DYM: variants seen among roughly 807,000 people sequenced by gnomAD.
The protein encoded by DYM is dyggve-Melchior-Clausen syndrome protein.
Under a neutral mutation model 93.1 loss-of-function variants are expected in DYM, and 78 were observed. The observed-to-expected ratio is 0.84, with a 90% confidence interval of 0.70 to 1.01. The LOEUF is 1.01. Among genes scored for constraint, DYM ranks in the 50% least tolerant of loss-of-function variants. The pLI is 0.00. For synonymous variants in DYM, 321 were observed against 319.7 expected (o/e 1.00, Z -0.04); for missense variants, 789 against 845.0 (o/e 0.93, Z 0.82).
chr18:49,356,154 G>GA (rs1032229996), intron 6 of DYM, among the ~76,000 whole-genome samples: 2 of 151,940 alleles, frequency 1.3e-5, no homozygotes, highest in African/African-American at 4.8e-5. Context: ...AAATTAAAAA[G>GA]AAAAAAATCA....
intron 8 of DYM, among the ~76,000 whole-genome samples, chr18:49,300,600 C>A (rs1165412079): frequency 6.7e-6 from 1 of 150,320 alleles, no homozygotes; most frequent in Admixed American, 6.6e-5. Flanking sequence ...GACTCAGTCT[C>A]CAAAAAAAAA....
At chr18:49,433,564 G>A (rs1311105666) in intron 1 of DYM, among the ~76,000 whole-genome samples, 1 of 152,108 alleles carries the variant, frequency 6.6e-6, no homozygotes, top group Non-Finnish European at 1.5e-5. Flanking sequence ...TCAAAAAACA[G>A]TAAAAATTTA....
At chr18:49,275,325 A>AT (rs2094824080) in intron 10 of DYM, among the ~76,000 whole-genome samples, 1 of 152,178 alleles carries the variant, frequency 6.6e-6, no homozygotes, top group Non-Finnish European at 1.5e-5. Context: ...CCATTGATGT[A>AT]TTATGTCTAT....
chr18:49,264,417 C>T (rs777790644), intron 11 of DYM, among the ~76,000 whole-genome samples: 11 of 152,000 alleles, frequency 7.2e-5, no homozygotes, highest in African/African-American at 9.7e-5. Flanking sequence ...TTTATACTCC[C>T]ACTACCAGCA....
intron 17 of DYM, among the ~76,000 whole-genome samples, chr18:49,059,314 G>C (rs867195247): frequency 2.0e-5 from 3 of 152,210 alleles, no homozygotes; most frequent in Admixed American, 1.3e-4. Flanking sequence ...ACAGTGAAAA[G>C]TAAGTTCTGT....
intron 14 of DYM, among the ~76,000 whole-genome samples, chr18:49,172,073 C>T (rs1280795389): frequency 6.6e-6 from 1 of 152,170 alleles, no homozygotes; most frequent in Non-Finnish European, 1.5e-5. Flanking sequence ...CACTGATCTG[C>T]TTCCTGTCAC....
At chr18:49,227,096 G>A (rs2093559390) in intron 13 of DYM, among the ~76,000 whole-genome samples, 1 of 152,094 alleles carries the variant, frequency 6.6e-6, no homozygotes, top group Admixed American at 6.6e-5. Context: ...GAAAAATTGA[G>A]TTCACAAATA....
At chr18:49,420,240 T>A (rs767590917) in intron 2 of DYM, among the ~76,000 whole-genome samples, 30 of 145,544 alleles carry the variant, frequency 2.1e-4, no homozygotes, top group Non-Finnish European at 4.2e-4. Context: ...CGATCTCAGC[T>A]CCCCACAAGC....
chr18:49,113,751 G>C (rs895640702), intron 16 of DYM, among the ~76,000 whole-genome samples: 1 of 152,164 alleles, frequency 6.6e-6, no homozygotes. Context: ...TACTGAAAAA[G>C]GCACACAGTA....
chr18:49,393,022 G>GGAC (rs2147915987), intron 2 of DYM, among the ~76,000 whole-genome samples: 1 of 83,862 alleles, frequency 1.2e-5, no homozygotes, highest in South Asian at 4.5e-4. Flanking sequence ...AAGAAGAAGA[G>GGAC]GAAGAAGGAG....
rs1298142988 is a variant in DYM, at chr18:49,364,444, C to CA, written c.422-1212dup. 1.2e-3 allele frequency among the ~76,000 whole-genome samples: 164 copies of CA among 138,546 alleles called. 1 individual carries two copies. The highest frequency in any genetic ancestry group is 2.5e-3 in the African/African-American group (95 of 37,452). 90.9% of individuals were successfully genotyped at this position (138,546 alleles called of 152,430 possible). A position where few individuals can be genotyped will look rare whatever the true frequency, so the allele number is the denominator to read the frequency against. On this transcript the variant is annotated intron_variant, in intron 5 of 17. Transcript: ENST00000675505. ...TGGGTGACAAAACAAGACTGTGTCT[C>CA]AAAAAAAAAAAAGAAAGAAAGAAAG...
intron 17 of DYM, among the ~76,000 whole-genome samples, chr18:49,046,490 CACAG>C (rs912522372): frequency 8.7e-5 from 13 of 150,216 alleles, no homozygotes; most frequent in Non-Finnish European, 1.0e-4. Flanking sequence ...CAGACACACA[CACAG>C]ACATACACAG....
chr18:49,223,915 A>G (rs2093444899), intron 13 of DYM, among the ~76,000 whole-genome samples: 1 of 152,136 alleles, frequency 6.6e-6, no homozygotes, highest in Admixed American at 6.6e-5. Flanking sequence ...TTATGCCTTC[A>G]TTCTAGGAAC....
intron 13 of DYM, among the ~76,000 whole-genome samples, chr18:49,248,435 T>C (rs560760056): frequency 6.6e-6 from 1 of 152,304 alleles, no homozygotes; most frequent in East Asian, 1.9e-4. Flanking sequence ...CATCATTAAC[T>C]CTTACACCAC....
At chr18:49,313,427 A>AAC (rs2146398767) in intron 8 of DYM, among the ~76,000 whole-genome samples, 1 of 135,404 alleles carries the variant, frequency 7.4e-6, no homozygotes, top group South Asian at 2.5e-4. Context: ...CGCACCACTG[A>AAC]ACTCCAGTCT....
chr18:49,318,145 C>T (rs1319071519), intron 8 of DYM, among the ~76,000 whole-genome samples: 1 of 152,208 alleles, frequency 6.6e-6, no homozygotes, highest in Non-Finnish European at 1.5e-5. Flanking sequence ...TCTCCTGGAG[C>T]CACCATTGCT....
At chr18:49,108,346 G>A (rs572669405) in intron 16 of DYM, among the ~76,000 whole-genome samples, 1 of 152,218 alleles carries the variant, frequency 6.6e-6, no homozygotes, top group Non-Finnish European at 1.5e-5. Context: ...CTGACCCCTT[G>A]TGCTTCCCGG....
chr18:49,445,366 G>A (rs193080415), intron 1 of DYM, among the ~76,000 whole-genome samples: 5 of 152,202 alleles, frequency 3.3e-5, no homozygotes, highest in East Asian at 1.9e-4. Flanking sequence ...GATAGGTACA[G>A]AAACCATTCT....
At chr18:49,344,144 G>C (rs2064384986) in intron 6 of DYM, among the ~76,000 whole-genome samples, 2 of 152,034 alleles carry the variant, frequency 1.3e-5, no homozygotes, top group South Asian at 4.1e-4. Context: ...TAAAAATAAG[G>C]AACCCAAATT....
Sources: gnomAD v4.1 joint callset for allele counts (sites outside exome capture counted in the v4.1 genomes callset) on GRCh38, gnomAD v4.1.1 for gene constraint, MANE v1.5 for transcripts, NCBI Gene and HGNC (gene_info 2026-07-23, HGNC 2026-07-21) for gene names.